NR2F1-AS1: variants seen among roughly 807,000 people sequenced by gnomAD.
The protein encoded by NR2F1-AS1 is NR2F1 regulatory antisense RNA 1, also known as NR2F1 antisense RNA 1.
At chr5:93,527,327 T>C (rs1751638976) in intron 4 of NR2F1-AS1, among the ~76,000 whole-genome samples, 2 of 152,064 alleles carry the variant, frequency 1.3e-5, no homozygotes, top group African/African-American at 2.4e-5. Flanking sequence ...TACAAACCAC[T>C]GCTCAAGGAA....
chr5:93,583,428 AGTT>A (rs1040752628), upstream of NR2F1-AS1: 4 of 143,870 alleles, frequency 2.8e-5, no homozygotes, highest in African/African-American at 7.9e-5. Context: ...ATATTCTACT[AGTT>A]GTTTTCCCCT....
chr5:93,442,722 G>C (rs945268377), intron 4 of NR2F1-AS1, among the ~76,000 whole-genome samples: 13 of 152,218 alleles, frequency 8.5e-5, no homozygotes, highest in Non-Finnish European at 1.8e-4. Flanking sequence ...TTTGAGATCT[G>C]AGAATGGACA....
intron 4 of NR2F1-AS1, among the ~76,000 whole-genome samples, chr5:93,450,859 G>A (rs1253253932): frequency 1.4e-5 from 2 of 139,620 alleles, no homozygotes; most frequent in Non-Finnish European, 3.0e-5. Flanking sequence ...CAGGGGCAGT[G>A]AGCTATGATT....
chr5:93,440,996 T>C (rs769843715), intron 4 of NR2F1-AS1, among the ~76,000 whole-genome samples: 19 of 152,338 alleles, frequency 1.2e-4, no homozygotes, highest in Non-Finnish European at 2.5e-4. Flanking sequence ...TACTAGACCA[T>C]TTATTAACTA....
Position 93,533,552 on chromosome 5 carries a change from A to G in NR2F1-AS1, n.638+20209T>C, listed in dbSNP as rs574098969. On this transcript the variant is annotated intron_variant and non_coding_transcript_variant, in intron 4 of 5. Transcript: ENST00000660523. The stretch of plus-strand genomic sequence containing the variant: ...CTTCACAGCAGGGCAGCCACTAGAT[A>G]AATGGTAAATAATGGATTTTAATTT... Among the ~76,000 whole-genome samples, 3 of 152,242 alleles carry G rather than the reference A, an allele frequency of 2.0e-5. No homozygotes were observed. The South Asian group carries it at 6.2e-4, about 32-fold the overall frequency.
intron 4 of NR2F1-AS1, among the ~76,000 whole-genome samples, chr5:93,550,525 G>A (rs1309801933): frequency 6.6e-6 from 1 of 152,202 alleles, no homozygotes; most frequent in Non-Finnish European, 1.5e-5. Context: ...AAGAAGAAGA[G>A]AAAATCTAAC....
intron 4 of NR2F1-AS1, among the ~76,000 whole-genome samples, chr5:93,525,087 C>A (rs1751583526): frequency 6.6e-6 from 1 of 152,042 alleles, no homozygotes; most frequent in African/African-American, 2.4e-5. Flanking sequence ...AGTCAAGACC[C>A]ATTGGTGTGC....
At chr5:93,462,587 G>C (rs140275389) in intron 4 of NR2F1-AS1, among the ~76,000 whole-genome samples, 330 of 152,202 alleles carry the variant, frequency 2.2e-3, no homozygotes, top group African/African-American at 7.6e-3. Flanking sequence ...ACAGTTTGGA[G>C]GGTTCAAGAG....
chr5:93,573,911 G>A lies in NR2F1-AS1; in HGVS notation n.313+6556C>T, dbSNP rs150623520. Among the ~76,000 whole-genome samples, 43 of 152,222 alleles carry A rather than the reference G, an allele frequency of 2.8e-4. No homozygotes were observed. In the East Asian group the frequency reaches 7.7e-3, roughly 27 times the overall value. ...CTATTAGATTTATGGTCTCTTTTTCGACACCCATCCAGAGTAATTAGCACA... is the reference window on the plus strand; with the variant it reads ...CTATTAGATTTATGGTCTCTTTTTCAACACCCATCCAGAGTAATTAGCACA... On this transcript the variant is annotated intron_variant and non_coding_transcript_variant, in intron 1 of 5. Coordinates refer to ENST00000660523, the Ensembl canonical transcript of NR2F1-AS1.
intron 4 of NR2F1-AS1, among the ~76,000 whole-genome samples, chr5:93,448,891 T>C (rs570258259): frequency 6.6e-6 from 1 of 152,154 alleles, no homozygotes; most frequent in South Asian, 2.1e-4. Flanking sequence ...ACACCCAGAA[T>C]TGAGTCTGAC....
At chr5:93,576,504 A>G (rs534370080) in intron 1 of NR2F1-AS1, among the ~76,000 whole-genome samples, 3 of 151,504 alleles carry the variant, frequency 2.0e-5, no homozygotes, top group African/African-American at 7.3e-5. Context: ...TAATAAATAT[A>G]TCTTTCCACT....
chr5:93,438,626 A>G (rs1749493948), intron 4 of NR2F1-AS1: 1 of 152,230 alleles, frequency 6.6e-6, no homozygotes, highest in Non-Finnish European at 1.5e-5. Context: ...AGCTGGAATG[A>G]TCTGATTTGT....
At chr5:93,487,494 T>C (rs566460338) in intron 4 of NR2F1-AS1, among the ~76,000 whole-genome samples, 2 of 152,232 alleles carry the variant, frequency 1.3e-5, no homozygotes, top group Admixed American at 6.5e-5. Flanking sequence ...CCATTCACAA[T>C]TGCTACTAAG....
upstream of NR2F1-AS1, chr5:93,583,987 G>C (rs1027285880): frequency 1.3e-5 from 2 of 152,238 alleles, no homozygotes; most frequent in South Asian, 2.1e-4. Context: ...CTTCCTCGCC[G>C]GCTGCCTCCC....
intron 4 of NR2F1-AS1, among the ~76,000 whole-genome samples, chr5:93,515,105 T>C (rs1271865325): frequency 6.6e-6 from 1 of 152,006 alleles, no homozygotes; most frequent in African/African-American, 2.4e-5. Flanking sequence ...AAACACTATA[T>C]ATAATAAAGT....
At chr5:93,546,934 T>C (rs1752100871) in intron 4 of NR2F1-AS1, among the ~76,000 whole-genome samples, 1 of 152,204 alleles carries the variant, frequency 6.6e-6, no homozygotes, top group African/African-American at 2.4e-5. Flanking sequence ...TAACTTTTAA[T>C]AATGTGAGTG....
chr5:93,499,866 C>T (rs569790922), intron 4 of NR2F1-AS1, among the ~76,000 whole-genome samples: 3 of 152,252 alleles, frequency 2.0e-5, no homozygotes, highest in Admixed American at 2.0e-4. Flanking sequence ...GCTTTAGGGG[C>T]CTGGATAGAA....
At chr5:93,464,512 T>A (rs1750182265) in intron 4 of NR2F1-AS1, among the ~76,000 whole-genome samples, 1 of 151,976 alleles carries the variant, frequency 6.6e-6, no homozygotes, top group Non-Finnish European at 1.5e-5. Flanking sequence ...TGATTAAGAG[T>A]TTTTTAAGTA....
At chr5:93,496,488 C>G (rs1750962978) in intron 4 of NR2F1-AS1, among the ~76,000 whole-genome samples, 1 of 152,202 alleles carries the variant, frequency 6.6e-6, no homozygotes, top group South Asian at 2.1e-4. Flanking sequence ...TAATTTCCTT[C>G]TCCCTCTACC....
Sources: gnomAD v4.1 joint callset for allele counts (sites outside exome capture counted in the v4.1 genomes callset) on GRCh38, gnomAD v4.1.1 for gene constraint, MANE v1.5 for transcripts, NCBI Gene and HGNC (gene_info 2026-07-23, HGNC 2026-07-21) for gene names.